Variants in GRID2 observed in about 807,000 individuals in gnomAD.
GRID2 encodes the protein glutamate ionotropic receptor delta type subunit 2, also known as glutamate receptor ionotropic, delta-2.
Under a neutral mutation model 114.8 loss-of-function variants are expected in GRID2, and 33 were observed. That is an observed-to-expected ratio of 0.29 (90% confidence interval 0.22 to 0.38). GRID2 has a LOEUF of 0.38. Ranked by LOEUF, GRID2 falls within the 10% of genes least tolerant of loss-of-function variation. GRID2 has a pLI of 1.00. For synonymous variants in GRID2, 505 were observed against 449.9 expected (o/e 1.12, Z -1.55); for missense variants, 1,184 against 1,257.7 (o/e 0.94, Z 0.89).
At chr4:93,277,924 G>A (rs1752230034) in intron 8 of GRID2, among the ~76,000 whole-genome samples, 2 of 151,960 alleles carry the variant, frequency 1.3e-5, no homozygotes, top group Admixed American at 1.3e-4. Context: ...AGTATTGAGA[G>A]AAGTTTCTAA....
At chr4:92,648,646 G>T (rs935752026) in intron 2 of GRID2, among the ~76,000 whole-genome samples, 2 of 149,008 alleles carry the variant, frequency 1.3e-5, no homozygotes, top group African/African-American at 5.1e-5. Context: ...AAATTGCAAT[G>T]GTCAAACAAG....
intron 2 of GRID2, among the ~76,000 whole-genome samples, chr4:92,644,759 A>T (rs1014871361): frequency 2.0e-5 from 3 of 151,684 alleles, no homozygotes; most frequent in Non-Finnish European, 4.4e-5. Flanking sequence ...AAGATAATAT[A>T]AGAGTTGTAT....
intron 2 of GRID2, among the ~76,000 whole-genome samples, chr4:92,989,525 TA>T (rs961560549): frequency 6.6e-6 from 1 of 151,258 alleles, no homozygotes; most frequent in East Asian, 2.0e-4. Context: ...TGCATCCCAA[TA>T]AAAAAAAGGT....
chr4:92,771,861 A>G (rs1738560175), intron 2 of GRID2, among the ~76,000 whole-genome samples: 1 of 152,284 alleles, frequency 6.6e-6, no homozygotes, highest in African/African-American at 2.4e-5. Flanking sequence ...GAACCAGTTC[A>G]TAGAGCCAAG....
At chr4:92,368,448 T>C (rs1365457091) in intron 1 of GRID2, among the ~76,000 whole-genome samples, 4 of 152,108 alleles carry the variant, frequency 2.6e-5, no homozygotes, top group African/African-American at 9.7e-5. Flanking sequence ...ATATTGACAA[T>C]TAATGGCTCA....
At chr4:93,536,265 G>A (rs1315845579) in intron 13 of GRID2, among the ~76,000 whole-genome samples, 3 of 151,870 alleles carry the variant, frequency 2.0e-5, no homozygotes, top group Non-Finnish European at 4.4e-5. Flanking sequence ...TAACAAAGAA[G>A]CACAAAGCTG....
intron 11 of GRID2, among the ~76,000 whole-genome samples, chr4:93,475,423 A>G (rs1288726242): frequency 6.6e-6 from 1 of 152,130 alleles, no homozygotes; most frequent in Non-Finnish European, 1.5e-5. Context: ...CTATCAAATT[A>G]TAAATCTAAT....
At chr4:93,606,876 T>G (rs1314334952) in intron 13 of GRID2, among the ~76,000 whole-genome samples, 1 of 152,166 alleles carries the variant, frequency 6.6e-6, no homozygotes, top group East Asian at 1.9e-4. Flanking sequence ...TGATGGTATT[T>G]AAAAATTCTA....
At position 93,085,059 on chromosome 4, in the gene GRID2, A is replaced by G. The variant is rs202228423; in HGVS notation, c.309A>G (p.Gly103=). 4.5e-5 allele frequency: 73 copies of G among 1,614,102 alleles called. No individual in the cohort carries two copies. In the African/African-American group the frequency reaches 8.9e-4, roughly 20 times the overall value. ...LVSSIGCTSA[G]SLQSLADAMH... is the part of the protein sequence containing the mutation. ...GCTCCATTGGCTGCACGTCAGCAGG[A>G]TCCCTCCAGTCTTTGGCAGACGCCA... Residue 103 remains glycine (G), a synonymous_variant, in exon 3 of 16, where the codon GGA becomes GGG. Coordinates refer to ENST00000282020, the MANE Select transcript of GRID2 (RefSeq NM_001510.4).
chr4:93,330,886 A>G (rs976197567), intron 8 of GRID2, among the ~76,000 whole-genome samples: 1 of 152,088 alleles, frequency 6.6e-6, no homozygotes, highest in Non-Finnish European at 1.5e-5. Context: ...GTAGTGATAG[A>G]TTACAGAACA....
intron 14 of GRID2, among the ~76,000 whole-genome samples, chr4:93,721,953 C>G (rs2110196525): frequency 7.2e-6 from 1 of 138,736 alleles, no homozygotes; most frequent in East Asian, 2.2e-4. Context: ...GAATCTTGCT[C>G]TGCCGCCCAG....
At chr4:93,170,059 G>T (rs1279514380) in intron 4 of GRID2, among the ~76,000 whole-genome samples, 1 of 152,112 alleles carries the variant, frequency 6.6e-6, no homozygotes, top group Non-Finnish European at 1.5e-5. Context: ...TAGATTTCAA[G>T]TAAAACAAAC....
chr4:92,900,003 G>A (rs1747455670), intron 2 of GRID2, among the ~76,000 whole-genome samples: 1 of 152,116 alleles, frequency 6.6e-6, no homozygotes, highest in Admixed American at 6.6e-5. Flanking sequence ...GAGGGGAAAG[G>A]ATGTAAATTT....
At chr4:93,689,323 C>T (rs75257133) in intron 14 of GRID2, among the ~76,000 whole-genome samples, 7,583 of 152,116 alleles carry the variant, frequency 0.05, 618 homozygotes, top group African/African-American at 0.17. Context: ...CATTTCACTT[C>T]TTCCATGGGT....
chr4:92,385,574 T>C (rs10012465), intron 1 of GRID2, among the ~76,000 whole-genome samples: 63,162 of 151,254 alleles, frequency 0.42, 14,284 homozygotes, highest in East Asian at 0.7. Flanking sequence ...ATTCATAAAA[T>C]AGCTCTTTGC....
chr4:93,667,300 A>C (rs1578517255), intron 14 of GRID2, among the ~76,000 whole-genome samples: 1 of 152,140 alleles, frequency 6.6e-6, no homozygotes, highest in Non-Finnish European at 1.5e-5. Context: ...GGACAAAGAC[A>C]GACTAGCATG....
At chr4:92,375,056 G>A (rs2110225584) in intron 1 of GRID2, among the ~76,000 whole-genome samples, 1 of 152,248 alleles carries the variant, frequency 6.6e-6, no homozygotes, top group South Asian at 2.1e-4. Flanking sequence ...CCATGACAGT[G>A]TAGAGTGCAT....
intron 2 of GRID2, among the ~76,000 whole-genome samples, chr4:93,074,233 C>A (rs1335493736): frequency 6.6e-6 from 1 of 152,144 alleles, no homozygotes; most frequent in Non-Finnish European, 1.5e-5. Context: ...ACACCAACAG[C>A]CTGGTAGGAG....
intron 4 of GRID2, among the ~76,000 whole-genome samples, chr4:93,182,206 G>A (rs1005730840): frequency 1.3e-5 from 2 of 152,058 alleles, no homozygotes; most frequent in Non-Finnish European, 1.5e-5. Flanking sequence ...ACTACCTCAT[G>A]CAGGCCTATT....
Sources: allele counts gnomAD v4.1 joint callset (sites outside exome capture counted in the v4.1 genomes callset), GRCh38; gene constraint gnomAD v4.1.1; transcripts MANE v1.5; gene names NCBI Gene and HGNC (gene_info 2026-07-23, HGNC 2026-07-21).